Variants in KRT74 observed in about 807,000 individuals in gnomAD.
The protein encoded by KRT74 is keratin, type II cytoskeletal 74.
Under a neutral mutation model 42.7 loss-of-function variants are expected in KRT74, and 43 were observed. The ratio of observed to expected loss-of-function variants is 1.01; its 90% CI spans 0.79 to 1.30. KRT74 has a LOEUF of 1.30. KRT74 is among the 50% of genes most tolerant of loss of function. The pLI, the probability that KRT74 is intolerant of heterozygous loss-of-function variation, is 0.00. For missense variants in KRT74, 736 were observed against 689.1 expected, an observed-to-expected ratio of 1.07 and a Z score of -0.76; for synonymous variants, 302 against 279.0, an observed-to-expected ratio of 1.08 and a Z score of -0.82.
At chr12:52,571,566 G>A in intron 3 of KRT74, 112 bp from the exon 4 acceptor site, 1 of 790,486 alleles carries the variant, frequency 1.3e-6, no homozygotes, top group Non-Finnish European at 2.2e-6. Context: ...ACAAAGGAAA[G>A]CTCACTCAAT....
At position 52,566,848 on chromosome 12, in the gene KRT74, A is replaced by G; in HGVS notation, c.*121T>C. The G allele has an allele frequency of 1.4e-6, 1 of 701,912 alleles. No individual in the cohort carries two copies. The highest frequency in any genetic ancestry group is 2.6e-5 in the East Asian group (1 of 38,870). 43.5% of individuals were successfully genotyped at this position (701,912 alleles called of 1,614,324 possible). On this transcript the variant is annotated 3_prime_UTR_variant, in exon 9 of 9. Coordinates refer to ENST00000305620, the MANE Select transcript of KRT74 (RefSeq NM_175053.4). ...GTAAAAGCTAAACCACGATGCAGAC[A>G]GTTGAGTGTACTACAGACAGTTTTA... is the stretch of plus-strand genomic sequence containing the variant.
intron 8 of KRT74, among the ~76,000 whole-genome samples, chr12:52,567,415 T>C (rs1176505519): frequency 1.3e-5 from 2 of 152,124 alleles, no homozygotes; most frequent in Non-Finnish European, 2.9e-5. Context: ...GGAAAATCCA[T>C]GTCCACCAAC....
At position 52,571,854 on chromosome 12, in the gene KRT74, C is replaced by T. The variant is rs1323133491; in HGVS notation, c.747+90G>A. On this transcript the variant is annotated intron_variant, in intron 3 of 8. Coordinates refer to ENST00000305620, the MANE Select transcript of KRT74 (RefSeq NM_175053.4). ...CAGCCCCCTCACCAGGCACCAGCCC[C>T]CTCCCCAGCCTCCTGGGCTGAAGTC... is the stretch of plus-strand genomic sequence containing the variant. 3.2e-6 allele frequency: 3 copies of T among 937,054 alleles called. No homozygotes were observed. The African/African-American group carries it at 4.9e-5, about 15-fold the overall frequency. The allele number at this position is 937,054 out of a possible 1,614,324, so 58.0% of individuals were successfully genotyped here.
chr12:52,569,103 G>A (rs1939428748), intron 6 of KRT74, among the ~76,000 whole-genome samples: 1 of 152,144 alleles, frequency 6.6e-6, no homozygotes, highest in African/African-American at 2.4e-5. Context: ...GCACCAGAAG[G>A]AGAACAGGCT....
rs773877529 is a variant in KRT74, at chr12:52,573,771, G to T, written c.7C>A (p.Arg3=). The T allele has an allele frequency of 6.2e-7, 1 of 1,612,762 alleles. No homozygotes were observed. Among genetic ancestry groups the T allele is most frequent in the South Asian group, 1.1e-5 (1 of 91,042 alleles). Residue 3 remains arginine (R), a synonymous_variant, in exon 1 of 9, where the codon CGG becomes AGG. Transcript: ENST00000305620. The part of the protein sequence containing the change: MS[R]QLNIKSSGDK... Reference sequence around the variant, plus strand: ...CCACTGGACTTGATGTTCAGTTGCCGACTCATGGTGGGAAAGGTTGAGTTG... The same window carrying T: ...CCACTGGACTTGATGTTCAGTTGCCTACTCATGGTGGGAAAGGTTGAGTTG...
intron 6 of KRT74, 137 bp downstream of exon 6, chr12:52,569,722 G>A: frequency 8.9e-7 from 1 of 1,124,706 alleles, no homozygotes; most frequent in Non-Finnish European, 1.3e-6. Context: ...GGCAGGGTGG[G>A]AAAGGGAGAC....
At chr12:52,567,861 G>A (rs1016552694) in intron 7 of KRT74, among the ~76,000 whole-genome samples, 168 bp from the exon 8 acceptor site, 31 of 151,036 alleles carry the variant, frequency 2.1e-4, no homozygotes, top group African/African-American at 7.5e-4. Flanking sequence ...GAGTCCTGGA[G>A]ATACTAGATG....
Position 52,570,870 on chromosome 12 carries a change from T to C in KRT74, c.844-37A>G, listed in dbSNP as rs751953960. 4 of 1,613,540 alleles carry C rather than the reference T, an allele frequency of 2.5e-6. No homozygotes were observed. The South Asian group carries it at 3.3e-5, about 13-fold the overall frequency. On this transcript the variant is annotated intron_variant, in intron 4 of 8. Transcript: ENST00000305620. ...GAGGAAGACAGATTCAGCAACCCCC[T>C]GGCTTCCCTCTTCTGCCCCATCAGT... is the stretch of plus-strand genomic sequence containing the variant.
intron 4 of KRT74, 24 bp downstream of exon 4, chr12:52,571,335 G>T: frequency 1.4e-6 from 2 of 1,397,838 alleles, no homozygotes; most frequent in African/African-American, 1.4e-5. Flanking sequence ...CAGGGTGAGG[G>T]TGGGGGGACA....
rs1189807177 is a variant in KRT74, at chr12:52,572,494, C to T, written c.645G>A (p.Glu215=). 2 of 1,614,076 alleles carry T rather than the reference C, an allele frequency of 1.2e-6. No individual in the cohort carries two copies. The highest frequency in any genetic ancestry group is 4.5e-5 in the East Asian group (2 of 44,892). The change falls in exon 2 of 9, where the codon GAG becomes GAA. Residue 215 remains glutamate (E), a synonymous_variant. Coordinates refer to ENST00000305620, the MANE Select transcript of KRT74 (RefSeq NM_175053.4). ...CCACCAGATCCCTCATGCTTCTCAG[C>T]TCCGAGTCCAGCCTCACCCTGTCCC... The part of the protein sequence containing the change: ...LSGDRVRLDS[E]LRSMRDLVED...
At position 52,571,975 on chromosome 12, in the gene KRT74, G is replaced by T; in HGVS notation, c.716C>A (p.Thr239Lys). 1 of 1,598,170 alleles carries T rather than the reference G, an allele frequency of 6.3e-7. No homozygotes were observed. The highest frequency in any genetic ancestry group is 8.6e-7 in the Non-Finnish European group (1 of 1,165,722). ...AAGCACCACAAACTCATTCTCTGCTGTCGTGCGCCGGTTAATCTCCACTTC... is the reference window on the plus strand; with the variant it reads ...AAGCACCACAAACTCATTCTCTGCTTTCGTGCGCCGGTTAATCTCCACTTC... ...RYEVEINRRT[T>K]AENEFVVLKK... Residue 239 changes from threonine (T) to lysine (K), a missense_variant, in exon 3 of 9, where the codon ACA becomes AAA. Coordinates refer to ENST00000305620, the MANE Select transcript of KRT74 (RefSeq NM_175053.4).
intron 6 of KRT74, chr12:52,569,623 C>T (rs552617166): frequency 9.9e-6 from 6 of 608,946 alleles, no homozygotes; most frequent in East Asian, 8.3e-5. Flanking sequence ...AGCCCAGTTG[C>T]TTTATCTGCA....
chr12:52,572,734 A>G (rs2120655126), intron 1 of KRT74, 67 bp from the exon 2 acceptor site: 6 of 1,402,956 alleles, frequency 4.3e-6, no homozygotes, highest in South Asian at 3.5e-5. Context: ...GACACACACC[A>G]TTGACTCCCC....
In KRT74 at chr12:52,572,509, C is replaced by T. The variant is rs1484565088; in HGVS notation, c.630G>A (p.Val210=). Residue 210 remains valine (V), a synonymous_variant, in exon 2 of 9, where the codon GTG becomes GTA. Transcript: ENST00000305620. ...KQLETLSGDR[V]RLDSELRSMR... is the part of the protein sequence containing the mutation. ...TGCTTCTCAGCTCCGAGTCCAGCCT[C>T]ACCCTGTCCCCAGACAGTGTCTCCA... The T allele has an allele frequency of 6.2e-7, 1 of 1,614,102 alleles. No homozygotes were observed. Among genetic ancestry groups the T allele is most frequent in the African/African-American group, 1.3e-5 (1 of 74,928 alleles).
intron 3 of KRT74, 59 bp downstream of exon 3, chr12:52,571,885 C>A (rs940056486): frequency 2.6e-6 from 3 of 1,169,950 alleles, no homozygotes; most frequent in Non-Finnish European, 2.6e-6. Context: ...AAGTCCTGAG[C>A]AGAGTTGTTA....
At chr12:52,573,180 A>C in intron 1 of KRT74, 127 bp downstream of exon 1, 2 of 896,348 alleles carry the variant, frequency 2.2e-6, no homozygotes, top group Non-Finnish European at 3.7e-6. Flanking sequence ...TCCTTCCCTA[A>C]TGGTGAGGAA....
intron 8 of KRT74, 81 bp downstream of exon 8, chr12:52,567,578 G>A (rs1211315249): frequency 1.6e-5 from 16 of 1,013,102 alleles, no homozygotes; most frequent in South Asian, 6.3e-5. Context: ...CTTGGGAGGT[G>A]AGACAGTAAA....
At position 52,571,490 on chromosome 12, in the gene KRT74, C is replaced by T. The variant is rs200149024; in HGVS notation, c.748-36G>A. The T allele has an allele frequency of 1.5e-4, 214 of 1,459,392 alleles. 2 individuals are homozygous for T. The East Asian group carries it at 4.2e-3, about 29-fold the overall frequency. 90.4% of individuals were successfully genotyped at this position (1,459,392 alleles called of 1,614,324 possible). A position where few individuals can be genotyped will look rare whatever the true frequency, so the allele number is the denominator to read the frequency against. ...GCCCCAGAGTCATTGGGGGATGCAA[C>T]CCTCATCCCACAGCTGCCCTGCCCA... is the stretch of plus-strand genomic sequence containing the variant. On this transcript the variant is annotated intron_variant, in intron 3 of 8. Coordinates refer to ENST00000305620, the MANE Select transcript of KRT74 (RefSeq NM_175053.4).
In KRT74 at chr12:52,566,399, A is replaced by G. The variant is rs1172608104; in HGVS notation, c.*570T>C. On this transcript the variant is annotated 3_prime_UTR_variant, in exon 9 of 9. Transcript: ENST00000305620. The stretch of plus-strand genomic sequence containing the variant: ...GACACAGGCTGGCAGAGAATCCCCA[A>G]TACACCTTCACTTGGCTTTGTGGAG... 1 of 152,304 alleles carries G rather than the reference A, an allele frequency of 6.6e-6. No homozygotes were observed. Among genetic ancestry groups the G allele is most frequent in the Non-Finnish European group, 1.5e-5 (1 of 68,154 alleles). The allele number at this position is 152,304 out of a possible 1,614,324, so 9.4% of individuals were successfully genotyped here.
Sources: gnomAD v4.1 joint callset for allele counts (sites outside exome capture counted in the v4.1 genomes callset) on GRCh38, gnomAD v4.1.1 for gene constraint, MANE v1.5 for transcripts, NCBI Gene and HGNC (gene_info 2026-07-23, HGNC 2026-07-21) for gene names.